Variants in WIPF1 observed in about 807,000 individuals in gnomAD.
WIPF1 encodes the protein WAS/WASL interacting protein family member 1.
A neutral mutation model predicts 35.4 loss-of-function variants in WIPF1; 13 were observed. That is an observed-to-expected ratio of 0.37 (90% CI 0.24 to 0.58). The LOEUF is 0.58. Ranked by LOEUF, WIPF1 falls within the 20% of genes least tolerant of loss-of-function variation. The probability of loss-of-function intolerance (pLI) is 0.74; values close to 1 mark genes in which losing one functional copy is unlikely to be tolerated. For missense variants in WIPF1, 591 were observed against 667.0 expected (o/e 0.89, Z 1.25); for synonymous variants, 267 against 266.3 (o/e 1.00, Z -0.02).
intron 1 of WIPF1, among the ~76,000 whole-genome samples, chr2:174,595,140 A>ATATATATATATATATATAT (rs1260140362): frequency 3.1e-5 from 4 of 128,536 alleles, no homozygotes; most frequent in Admixed American, 8.4e-5. Context: ...ATATATATAT[A>ATATATATATATATATATAT]ATTAACTGGG....
At chr2:174,596,999 C>T (rs1432573438) in intron 1 of WIPF1, among the ~76,000 whole-genome samples, 1 of 152,130 alleles carries the variant, frequency 6.6e-6, no homozygotes, top group Admixed American at 6.5e-5. Flanking sequence ...AAAGTTATAA[C>T]TAATGCTGTA....
At chr2:174,612,426 TA>T (rs1189744304) in intron 1 of WIPF1, among the ~76,000 whole-genome samples, 40 of 152,336 alleles carry the variant, frequency 2.6e-4, no homozygotes, top group Admixed American at 2.4e-3. Context: ...TCTATGTAAA[TA>T]TTTTTTATTG....
Position 174,572,045 on chromosome 2 carries a change from G to T in WIPF1, c.760C>A (p.Pro254Thr). The T allele has an allele frequency of 6.5e-7, 1 of 1,549,324 alleles. No individual in the cohort carries two copies. The highest frequency in any genetic ancestry group is 1.3e-5 in the South Asian group (1 of 79,488). The change falls in exon 5 of 8, where the codon CCT becomes ACT. Residue 254 changes from proline (P) to threonine (T), a missense_variant. Transcript: ENST00000679041. The part of the protein sequence containing the change: ...SPFSNRPPLP[P>T]TPSRALDDKP... Reference sequence around the variant, plus strand: ...TCATCCAAGGCCCTGCTGGGGGTAGGCGGCAGGGGAGGCCGGTTGGAGAAG... The same window carrying T: ...TCATCCAAGGCCCTGCTGGGGGTAGTCGGCAGGGGAGGCCGGTTGGAGAAG...
chr2:174,572,190 T>C lies in WIPF1; in HGVS notation c.615A>G (p.Pro205=), dbSNP rs745539778. The C allele has an allele frequency of 1.2e-6, 2 of 1,614,096 alleles. No individual in the cohort carries two copies. Among genetic ancestry groups the C allele is most frequent in the Non-Finnish European group, 1.7e-6 (2 of 1,180,000 alleles). ...QSSPHNRGSP[P]VPGGPRQPSP... is the part of the protein sequence containing the mutation. ...TGGGCTGCCTGGGGCCTCCGGGCAC[T>C]GGTGGGGACCCCCGGTTGTGCGGAC... The change falls in exon 5 of 8, where the codon CCA becomes CCG. Residue 205 remains proline, a synonymous_variant. Transcript: ENST00000679041.
chr2:174,571,776 C>A lies in WIPF1; in HGVS notation c.1029G>T (p.Ser343=). 6.2e-7 allele frequency: 1 copy of A among 1,614,132 alleles called. No homozygotes were observed. Among genetic ancestry groups the A allele is most frequent in the Non-Finnish European group, 8.5e-7 (1 of 1,180,040 alleles). Residue 343 remains serine (S), a synonymous_variant, in exon 5 of 8, where the codon TCG becomes TCT. Transcript: ENST00000679041. This position sits in a 1 kb window ranked among gnomAD's most constrained non-coding sequence, Gnocchi z 4.6. ...CTGGCGAAGGTAACGGGGGCGTGGACGAACTGAGGGACAGATTCCGCTGTG... is the reference window on the plus strand; with the variant it reads ...CTGGCGAAGGTAACGGGGGCGTGGAAGAACTGAGGGACAGATTCCGCTGTG... ...RLPQRNLSLS[S]STPPLPSPGR... is the part of the protein sequence containing the mutation.
intron 1 of WIPF1, among the ~76,000 whole-genome samples, chr2:174,675,898 G>GTTACCC (rs1688118485): frequency 6.6e-6 from 1 of 150,572 alleles, no homozygotes; most frequent in Non-Finnish European, 1.5e-5. Flanking sequence ...ATGAAGGCGT[G>GTTACCC]GGGAAGAGAT....
At chr2:174,667,233 C>A (rs938456856) in intron 1 of WIPF1, among the ~76,000 whole-genome samples, 1 of 152,198 alleles carries the variant, frequency 6.6e-6, no homozygotes, top group Admixed American at 6.5e-5. Context: ...CTACCAAGTA[C>A]GGCACCCTCT....
chr2:174,600,070 T>C (rs1468976522), upstream of WIPF1, among the ~76,000 whole-genome samples: 1 of 152,224 alleles, frequency 6.6e-6, no homozygotes, highest in Non-Finnish European at 1.5e-5. Flanking sequence ...GAGAATCTAA[T>C]GCGCAGCTGA....
At chr2:174,652,803 A>AC (rs1054249051) in intron 1 of WIPF1, among the ~76,000 whole-genome samples, 1 of 151,932 alleles carries the variant, frequency 6.6e-6, no homozygotes, top group African/African-American at 2.4e-5. Flanking sequence ...AAAAAAAAAA[A>AC]AAAACAAAAA....
intron 1 of WIPF1, among the ~76,000 whole-genome samples, chr2:174,613,145 C>T (rs76995323): frequency 6.6e-6 from 1 of 151,884 alleles, no homozygotes; most frequent in Non-Finnish European, 1.5e-5. Context: ...CACATGCAGA[C>T]GTGTAAACTT....
Position 174,571,563 on chromosome 2 carries a change from G to A in WIPF1, c.1129+113C>T. ...GTCGTGTGCCACTTAAAAGCACAAA[G>A]CAGTCTGAGTTTACTTATGCCTGCT... is the stretch of plus-strand genomic sequence containing the variant. On this transcript the variant is annotated intron_variant, in intron 5 of 7. Coordinates refer to ENST00000679041, the MANE Select transcript of WIPF1 (RefSeq NM_001375834.1). This position sits in a 1 kb window ranked among gnomAD's most constrained non-coding sequence, Gnocchi z 4.6. The A allele has an allele frequency of 6.9e-7, 1 of 1,445,402 alleles. No individual in the cohort carries two copies. Among genetic ancestry groups the A allele is most frequent in the Admixed American group, 1.7e-5 (1 of 59,804 alleles). 89.5% of individuals were successfully genotyped at this position (1,445,402 alleles called of 1,614,324 possible).
In WIPF1 at chr2:174,572,510, G is replaced by C. The variant is rs571560667; in HGVS notation, c.359-64C>G. On this transcript the variant is annotated intron_variant, in intron 4 of 7. Coordinates refer to ENST00000679041, the MANE Select transcript of WIPF1 (RefSeq NM_001375834.1). Reference sequence around the variant, plus strand: ...GAACCCTGAAGAAATCAGAGAGCTAGAGTCTGTTCCCAGTGACTGGAAGTC... The same window carrying C: ...GAACCCTGAAGAAATCAGAGAGCTACAGTCTGTTCCCAGTGACTGGAAGTC... The C allele has an allele frequency of 8.7e-5, 139 of 1,598,628 alleles. No homozygotes were observed. The South Asian group carries it at 1.5e-3, about 17-fold the overall frequency.
intron 1 of WIPF1, among the ~76,000 whole-genome samples, chr2:174,615,898 T>C (rs1313420178): frequency 6.6e-6 from 1 of 152,200 alleles, no homozygotes; most frequent in Non-Finnish European, 1.5e-5. Context: ...GCCCACCCTC[T>C]ATTTGCCAAA....
At chr2:174,601,377 G>C (rs941615608), upstream of WIPF1, among the ~76,000 whole-genome samples, 3 of 152,198 alleles carry the variant, frequency 2.0e-5, no homozygotes, top group African/African-American at 7.2e-5. Context: ...CCCATCAGTG[G>C]GCCTGGCAGT....
intron 1 of WIPF1, among the ~76,000 whole-genome samples, chr2:174,585,910 T>C (rs1443776830): frequency 6.6e-6 from 1 of 152,062 alleles, no homozygotes; most frequent in Non-Finnish European, 1.5e-5. Context: ...AGCAGGAAGG[T>C]CTCACACAAC....
At position 174,575,211 on chromosome 2, in the gene WIPF1, C is replaced by G; in HGVS notation, c.351G>C (p.Arg117Ser). The G allele has an allele frequency of 1.2e-6, 2 of 1,610,078 alleles. No individual in the cohort carries two copies. The highest frequency in any genetic ancestry group is 1.7e-6 in the Non-Finnish European group (2 of 1,177,558). Residue 117 changes from arginine to serine, a missense_variant, in exon 4 of 8, where the codon AGG becomes AGC. This residue lies in a region of WIPF1 where 471 missense variants were observed against 501.1 expected (regional missense o/e 0.94). Transcript: ENST00000679041. The part of the protein sequence containing the change: ...GMPKLRSTAN[R>S]DNDSGGSRPP... ...CAGGGAAACTCTCCTTACCATTATC[C>G]CTGTTGGCCGTGGATCTCAGCTTCG...
intron 1 of WIPF1, among the ~76,000 whole-genome samples, chr2:174,658,648 T>C (rs1051995814): frequency 1.3e-5 from 2 of 152,066 alleles, no homozygotes; most frequent in Non-Finnish European, 2.9e-5. Flanking sequence ...GTGCAGAATC[T>C]CATGAGCATC....
intron 1 of WIPF1, among the ~76,000 whole-genome samples, chr2:174,612,318 C>T (rs1355225100): frequency 2.0e-5 from 3 of 152,216 alleles, no homozygotes; most frequent in South Asian, 2.1e-4. Flanking sequence ...TGGATGTGTA[C>T]GTGCGTCTGT....
chr2:174,609,688 G>GA (rs2105896670), intron 1 of WIPF1, among the ~76,000 whole-genome samples: 3 of 152,362 alleles, frequency 2.0e-5, no homozygotes, highest in African/African-American at 7.2e-5. Context: ...GTTCACTGAA[G>GA]ATTTTGAAGA....
Sources: gnomAD v4.1 joint callset for allele counts (sites outside exome capture counted in the v4.1 genomes callset) on GRCh38, gnomAD v4.1.1 for gene constraint, gnomAD v4.1.1 regional missense constraint, Gnocchi (gnomAD v3.1) non-coding constraint, MANE v1.5 for transcripts, NCBI Gene and HGNC (gene_info 2026-07-23, HGNC 2026-07-21) for gene names.